The following TAGAP variants were observed in gnomAD, a reference collection of about 807,000 sequenced individuals.
The protein encoded by TAGAP is T cell activation RhoGTPase activating protein, also known as T-cell activation Rho GTPase-activating protein.
A neutral mutation model predicts 36.0 loss-of-function variants in TAGAP; 16 were observed. That is an observed-to-expected ratio of 0.44 (90% confidence interval 0.30 to 0.68). The LOEUF is 0.68. Among genes scored for constraint, TAGAP ranks in the 30% least tolerant of loss-of-function variants. The probability of loss-of-function intolerance (pLI) is 0.09; values close to 1 mark genes in which losing one functional copy is unlikely to be tolerated. For missense variants in TAGAP, 794 were observed against 921.5 expected, an observed-to-expected ratio of 0.86 and a Z score of 1.79; for synonymous variants, 372 against 377.4, an observed-to-expected ratio of 0.99 and a Z score of 0.17.
rs754585128 is a variant in TAGAP, at chr6:159,041,495, G to T, written c.336C>A (p.Cys112Ter). ...RPIQDILTILCLKGPSTEGIF... is the reference protein window; with the variant it reads ...RPIQDILTIL ...TCCCTTCCGTTGAAGGGCCTTTAAGGCATAGAATAGTGAGAATGTCCTAAA... is the reference window on the plus strand; with the variant it reads ...TCCCTTCCGTTGAAGGGCCTTTAAGTCATAGAATAGTGAGAATGTCCTAAA... Residue 112 changes from cysteine (C) to a stop codon, truncating the protein, a stop_gained, in exon 6 of 10, where the codon TGC becomes TGA. Transcript: ENST00000367066. LOFTEE classifies it high-confidence loss of function. This position sits in a 1 kb window ranked among gnomAD's most constrained non-coding sequence, Gnocchi z 4.1. The T allele has an allele frequency of 1.2e-6, 2 of 1,614,016 alleles. No homozygotes were observed. The highest frequency in any genetic ancestry group is 1.1e-5 in the South Asian group (1 of 91,072).
At chr6:159,042,966 CAATCTCAA>C (rs1779810505) in intron 4 of TAGAP, 1 of 152,700 alleles carries the variant, frequency 6.5e-6, no homozygotes, top group Admixed American at 6.5e-5. Context: ...ATGGATATTG[CAATCTCAA>C]ACATTTCCTT....
At position 159,036,735 on chromosome 6, in the gene TAGAP, C is replaced by T; in HGVS notation, c.1288G>A (p.Val430Met). 6.2e-7 allele frequency: 1 copy of T among 1,614,198 alleles called. No individual in the cohort carries two copies. Among genetic ancestry groups the T allele is most frequent in the South Asian group, 1.1e-5 (1 of 91,078 alleles). ...ACCGGCCTCTTGGTTTTGCCTTGCA[C>T]TGCAGGGAAGACCTCCTCTGGAAAT... ...DPFPEEVFPA[V>M]QGKTKRPVDL... Residue 430 changes from valine (V) to methionine (M), a missense_variant, in exon 10 of 10, where the codon GTG becomes ATG. Coordinates refer to ENST00000367066, the MANE Select transcript of TAGAP (RefSeq NM_054114.5). This position sits in a 1 kb window ranked among gnomAD's most constrained non-coding sequence, Gnocchi z 4.9.
In TAGAP at chr6:159,036,996, C is replaced by T. The variant is rs1779566389; in HGVS notation, c.1027G>A (p.Asp343Asn). The T allele has an allele frequency of 6.2e-7, 1 of 1,613,730 alleles. No homozygotes were observed. Among genetic ancestry groups the T allele is most frequent in the African/African-American group, 1.3e-5 (1 of 74,892 alleles). Reference sequence around the variant, plus strand: ...CGGGCATCCTGTGGGCCCGCGCTATCCAAGCCAGCAGCTGTGGCCATGGGC... The same window carrying T: ...CGGGCATCCTGTGGGCCCGCGCTATTCAAGCCAGCAGCTGTGGCCATGGGC... ...QVPMATAAGL[D>N]SAGPQDAREV... Residue 343 changes from aspartate (D) to asparagine (N), a missense_variant, in exon 10 of 10, where the codon GAT (aspartate) becomes AAT (asparagine). Asp to Asn is a conservative substitution (Grantham distance 23). Coordinates refer to ENST00000367066, the MANE Select transcript of TAGAP (RefSeq NM_054114.5). This position sits in a 1 kb window ranked among gnomAD's most constrained non-coding sequence, Gnocchi z 4.9.
Position 159,034,829 on chromosome 6 carries a change from G to A in TAGAP, c.*998C>T, listed in dbSNP as rs2114777798. The A allele has an allele frequency of 6.6e-6, 1 of 152,174 alleles. No individual in the cohort carries two copies. Among genetic ancestry groups the A allele is most frequent in the African/African-American group, 2.4e-5 (1 of 41,508 alleles). The allele number at this position is 152,174 out of a possible 1,614,324, so 9.4% of individuals were successfully genotyped here. ...TGGTTTTGCAAATTCTGGAGAACAG[G>A]GACTGCTTCTTCCTAAACAAGATCC... On this transcript the variant is annotated 3_prime_UTR_variant, in exon 10 of 10. Transcript: ENST00000367066.
rs562749625 is a variant in TAGAP at position 159,037,525 on chromosome 6, C to T, written c.899-401G>A. On this transcript the variant is annotated intron_variant, in intron 9 of 9. Transcript: ENST00000367066. This position sits in a 1 kb window ranked among gnomAD's most constrained non-coding sequence, Gnocchi z 5.1. The stretch of plus-strand genomic sequence containing the variant: ...TTTAGAAATGAACTTTGCTACAGTT[C>T]GCCCTGCTCATACCAATCAGGGCAC... Among the ~76,000 whole-genome samples the T allele has an allele frequency of 6.3e-4, 96 of 152,220 alleles. 1 individual carries two copies. The highest frequency in any genetic ancestry group is 1.4e-3 in the African/African-American group (60 of 41,520).
In TAGAP at chr6:159,036,884, C is replaced by G. The variant is rs781602265; in HGVS notation, c.1139G>C (p.Ser380Thr). 6.2e-7 allele frequency: 1 copy of G among 1,614,194 alleles called. No individual in the cohort carries two copies. Residue 380 changes from serine (S) to threonine (T), a missense_variant, in exon 10 of 10, where the codon AGC becomes ACC. Physicochemically the swap from Ser to Thr is moderately conservative, Grantham distance 58 (BLOSUM62 1). Transcript: ENST00000367066. This position sits in a 1 kb window ranked among gnomAD's most constrained non-coding sequence, Gnocchi z 4.9. The stretch of plus-strand genomic sequence containing the variant: ...GAGGCACTCCTGGGAGGATGGCATG[C>G]TGGGCTCTGAGTATCTCCTATCGGG... ...AQPDRRYSEPSMPSSQECLES... is the reference protein window; with the variant it reads ...AQPDRRYSEPTMPSSQECLES...
At position 159,036,264 on chromosome 6, in the gene TAGAP, A is replaced by G. The variant is rs1779531867; in HGVS notation, c.1759T>C (p.Trp587Arg). ...GAGGGTGGGCTTCCAGGCCTCTCCC[A>G]GTCAGCTCCCTGGAACACATCATCC... The part of the protein sequence containing the change: ...SVDDVFQGAD[W>R]ERPGSPPSYE... The change falls in exon 10 of 10, where the codon TGG (tryptophan) becomes CGG (arginine). Residue 587 changes from tryptophan to arginine, a missense_variant. By Grantham distance (101) the Trp-to-Arg change is moderately radical. Coordinates refer to ENST00000367066, the MANE Select transcript of TAGAP (RefSeq NM_054114.5). This position sits in a 1 kb window ranked among gnomAD's most constrained non-coding sequence, Gnocchi z 4.9. 5 of 1,612,550 alleles carry G rather than the reference A, an allele frequency of 3.1e-6. No homozygotes were observed. The highest frequency in any genetic ancestry group is 4.2e-6 in the Non-Finnish European group (5 of 1,179,940).
At chr6:159,044,256 C>CT in intron 1 of TAGAP, 52 bp from the exon 2 acceptor site, 1 of 1,109,580 alleles carries the variant, frequency 9.0e-7, no homozygotes, top group Admixed American at 2.9e-5. Flanking sequence ...CAGTAGGCCA[C>CT]TTTCAGCGCC....
chr6:159,036,559 A>T lies in TAGAP; in HGVS notation c.1464T>A (p.His488Gln), dbSNP rs779425721. The change falls in exon 10 of 10, where the codon CAT (histidine) becomes CAA (glutamine). Residue 488 changes from histidine (H) to glutamine (Q), a missense_variant. Transcript: ENST00000367066. The surrounding 1 kb of genome is among the most constrained non-coding windows in gnomAD (Gnocchi z 4.9). ...TCTCTGTCTTTGTGGTGAAAGACTG[A>T]TGTCTGCTGAAGAAATTTCTTTTGG... ...SSPKRNFFSR[H>Q]QSFTTKTEKG... is the part of the protein sequence containing the mutation. 1 of 1,614,076 alleles carries T rather than the reference A, an allele frequency of 6.2e-7. No individual in the cohort carries two copies. The highest frequency in any genetic ancestry group is 8.5e-7 in the Non-Finnish European group (1 of 1,180,006).
rs752099340 is a variant in TAGAP, at chr6:159,036,871, G to A, written c.1152C>T (p.Ser384=). 4 of 1,614,124 alleles carry A rather than the reference G, an allele frequency of 2.5e-6. No homozygotes were observed. The Admixed American group carries it at 6.7e-5, about 27-fold the overall frequency. The change falls in exon 10 of 10, where the codon TCC becomes TCT. Residue 384 remains serine (S), a synonymous_variant. Transcript: ENST00000367066. The surrounding 1 kb of genome is among the most constrained non-coding windows in gnomAD (Gnocchi z 4.9). ...RRYSEPSMPS[S]QECLESRVTN... ...TCACCCGGCTCTCGAGGCACTCCTG[G>A]GAGGATGGCATGCTGGGCTCTGAGT... is the stretch of plus-strand genomic sequence containing the variant.
Position 159,035,780 on chromosome 6 carries a change from C to T in TAGAP, c.*47G>A, listed in dbSNP as rs1396413266. On this transcript the variant is annotated 3_prime_UTR_variant, in exon 10 of 10. Coordinates refer to ENST00000367066, the MANE Select transcript of TAGAP (RefSeq NM_054114.5). Reference sequence around the variant, plus strand: ...TCTACAGGCAGTTCTTTACAAGTCTCATATTTACAGATAGCACAAGCTATG... The same window carrying T: ...TCTACAGGCAGTTCTTTACAAGTCTTATATTTACAGATAGCACAAGCTATG... The T allele has an allele frequency of 2.0e-6, 3 of 1,528,792 alleles. No individual in the cohort carries two copies. The highest frequency in any genetic ancestry group is 1.2e-5 in the South Asian group (1 of 80,838). The allele number at this position is 1,528,792 out of a possible 1,614,324, so 94.7% of individuals were successfully genotyped here. A position where few individuals can be genotyped will look rare whatever the true frequency, so the allele number is the denominator to read the frequency against.
chr6:159,038,313 T>A, intron 8 of TAGAP, 85 bp from the exon 9 acceptor site: 2 of 672,966 alleles, frequency 3.0e-6, no homozygotes, highest in South Asian at 1.8e-5. Context: ...ATGGGGACAC[T>A]GGAGTCAGGT....
rs1445309680 is a variant in TAGAP at position 159,044,158 on chromosome 6, C to T, written c.-12G>A. 7.4e-6 allele frequency: 12 copies of T among 1,613,270 alleles called. No individual in the cohort carries two copies. Among genetic ancestry groups the T allele is most frequent in the Non-Finnish European group, 9.3e-6 (11 of 1,179,894 alleles). The stretch of plus-strand genomic sequence containing the variant: ...CTTCTCAGCTTCATCAGTATTGCGG[C>T]TGACTGTCCAGGGGTGGATTTCACT... On this transcript the variant is annotated 5_prime_UTR_variant, in exon 2 of 10. Coordinates refer to ENST00000367066, the MANE Select transcript of TAGAP (RefSeq NM_054114.5).
At position 159,035,875 on chromosome 6, in the gene TAGAP, C is replaced by G. The variant is rs1242450698; in HGVS notation, c.2148G>C (p.Pro716=). 5.0e-6 allele frequency: 8 copies of G among 1,610,544 alleles called. No individual in the cohort carries two copies. The highest frequency in any genetic ancestry group is 5.9e-6 in the Non-Finnish European group (7 of 1,177,076). Residue 716 remains proline, a synonymous_variant, in exon 10 of 10, where the codon CCG becomes CCC. Transcript: ENST00000367066. ...RDCLVRRCSQ[P]VFEADQFQYA... is the part of the protein sequence containing the mutation. ...ATTGGAATTGGTCAGCCTCAAAGAC[C>G]GGCTGGCTACATCGTCGCACGAGAC...
intron 9 of TAGAP, 93 bp downstream of exon 9, chr6:159,038,021 T>G (rs1779606673): frequency 1.2e-6 from 1 of 815,674 alleles, no homozygotes; most frequent in Non-Finnish European, 2.1e-6. Flanking sequence ...TGAAGGTAAC[T>G]TCTGCCTCAA....
Position 159,035,928 on chromosome 6 carries a change from C to A in TAGAP, c.2095G>T (p.Glu699Ter). The A allele has an allele frequency of 1.2e-6, 2 of 1,614,180 alleles. No homozygotes were observed. Among genetic ancestry groups the A allele is most frequent in the Non-Finnish European group, 1.7e-6 (2 of 1,180,006 alleles). ...PELLPLRTVS[E>*]SVQRNKRDCL... ...TCCCGCTTATTCCTCTGCACGGACT[C>A]GGAGACGGTCCTCAGCGGGAGGAGC... The change falls in exon 10 of 10, where the codon GAG (glutamate) becomes TAG (stop). Residue 699 changes from glutamate (E) to a stop codon, truncating the protein, a stop_gained. Coordinates refer to ENST00000367066, the MANE Select transcript of TAGAP (RefSeq NM_054114.5). LOFTEE classifies it low-confidence loss of function (END_TRUNC).
rs761584543 is a variant in TAGAP, at chr6:159,040,764, C to T, written c.546G>A (p.Leu182=). The part of the protein sequence containing the change: ...SDLFEEWMGA[L]EMQDEEDRIE... ...TTCTGTCCTCCTCGTCCTGCATCTC[C>T]AGAGCACCCATCCACTCCTCAAAGA... The change falls in exon 7 of 10, where the codon CTG becomes CTA. Residue 182 remains leucine, a synonymous_variant. Transcript: ENST00000367066. 1 of 1,614,162 alleles carries T rather than the reference C, an allele frequency of 6.2e-7. No individual in the cohort carries two copies. The highest frequency in any genetic ancestry group is 1.7e-5 in the Admixed American group (1 of 60,016).
rs530252270 is a variant in TAGAP, at chr6:159,036,009, T to A, written c.2014A>T (p.Thr672Ser). ...AGAGAGTCCCCAGAAGCATGGACAGTTCTGCTCTGTTTCCATCGCTCAGGC... is the reference window on the plus strand; with the variant it reads ...AGAGAGTCCCCAGAAGCATGGACAGATCTGCTCTGTTTCCATCGCTCAGGC... ...PLPERWKQSR[T>S]VHASGDSLGH... The change falls in exon 10 of 10, where the codon ACT becomes TCT. Residue 672 changes from threonine to serine, a missense_variant. Thr to Ser is a moderately conservative substitution (Grantham distance 58). Coordinates refer to ENST00000367066, the MANE Select transcript of TAGAP (RefSeq NM_054114.5). The surrounding 1 kb of genome is among the most constrained non-coding windows in gnomAD (Gnocchi z 4.9). 5 of 1,612,920 alleles carry A rather than the reference T, an allele frequency of 3.1e-6. No individual in the cohort carries two copies. The Admixed American group carries it at 6.7e-5, about 22-fold the overall frequency.
chr6:159,043,505 A>G (rs1583781645), intron 4 of TAGAP, 84 bp downstream of exon 4: 3 of 1,293,974 alleles, frequency 2.3e-6, no homozygotes, highest in East Asian at 4.6e-5. Context: ...AATTCCTAGT[A>G]GAGTAAAAGC....
Sources: allele counts gnomAD v4.1 joint callset (sites outside exome capture counted in the v4.1 genomes callset), GRCh38; gene constraint gnomAD v4.1.1; non-coding constraint Gnocchi (gnomAD v3.1); transcripts MANE v1.5; gene names NCBI Gene and HGNC (gene_info 2026-07-23, HGNC 2026-07-21).